The following ACAD10 variants were observed in gnomAD, a reference collection of about 807,000 sequenced individuals.
ACAD10 encodes acyl-CoA dehydrogenase family member 10, also known as ACAD-10.
In ACAD10, 112 loss-of-function variants were observed where a neutral mutation model predicts 116.8. The ratio of observed to expected loss-of-function variants is 0.96; its 90% CI spans 0.82 to 1.12. ACAD10 has a LOEUF of 1.12. Among genes scored for constraint, ACAD10 ranks in the 50% most tolerant of loss-of-function variants. The pLI is 0.00. For synonymous variants in ACAD10, 486 were observed against 510.6 expected, an observed-to-expected ratio of 0.95 and a Z score of 0.65; for missense variants, 1,259 against 1,350.2, an observed-to-expected ratio of 0.93 and a Z score of 1.06.
chr12:111,713,899 T>C (rs1056363161), intron 6 of ACAD10, among the ~76,000 whole-genome samples: 2 of 150,884 alleles, frequency 1.3e-5, no homozygotes, highest in African/African-American at 4.9e-5. Context: ...ATAGTGCCAC[T>C]GCAGGCCTGG....
chr12:111,700,988 G>A (rs1888333706), intron 2 of ACAD10, among the ~76,000 whole-genome samples: 1 of 151,844 alleles, frequency 6.6e-6, no homozygotes, highest in Admixed American at 6.6e-5. Context: ...CAGACTCCTA[G>A]CCTCAAGCGA....
chr12:111,705,728 C>G lies in ACAD10; in HGVS notation c.337-10C>G. ...GATTGCTGTTCTCCTGTGCCCTCTC[C>G]TGTTCTTAGTTAAAGACCTCCGTGC... On this transcript the variant is annotated splice_polypyrimidine_tract_variant and intron_variant, in intron 3 of 20. Transcript: ENST00000313698. 1.2e-6 allele frequency: 2 copies of G among 1,612,888 alleles called. No individual in the cohort carries two copies. The highest frequency in any genetic ancestry group is 1.7e-6 in the Non-Finnish European group (2 of 1,179,210).
intron 10 of ACAD10, among the ~76,000 whole-genome samples, chr12:111,732,842 A>G (rs572670257): frequency 2.2e-4 from 33 of 152,330 alleles, no homozygotes; most frequent in Non-Finnish European, 4.3e-4. Flanking sequence ...CTCTACAACA[A>G]ACTTTGTCAG....
intron 6 of ACAD10, 147 bp from the exon 7 acceptor site, chr12:111,715,674 T>C: frequency 9.6e-7 from 1 of 1,043,682 alleles, no homozygotes; most frequent in Non-Finnish European, 1.4e-6. Flanking sequence ...TCACTCCTAG[T>C]AGGCAGAGAA....
intron 12 of ACAD10, 75 bp from the exon 13 acceptor site, chr12:111,744,568 C>A: frequency 1.3e-6 from 2 of 1,523,958 alleles, no homozygotes; most frequent in Non-Finnish European, 8.9e-7. Flanking sequence ...GCTGAAGTGA[C>A]AGTGTCATCA....
intron 1 of ACAD10, among the ~76,000 whole-genome samples, chr12:111,686,602 G>A (rs1387586419): frequency 6.6e-6 from 1 of 152,214 alleles, no homozygotes; most frequent in Non-Finnish European, 1.5e-5. Context: ...TGTAGTCCAA[G>A]CTACTTGGGA....
chr12:111,722,019 T>C (rs1889026325), intron 8 of ACAD10: 1 of 253,128 alleles, frequency 4.0e-6, no homozygotes, highest in African/African-American at 2.2e-5. Context: ...ATTTTTTTAA[T>C]CAGAGTCTTT....
intron 8 of ACAD10, among the ~76,000 whole-genome samples, chr12:111,722,987 C>T (rs1481163836): frequency 1.2e-4 from 18 of 150,862 alleles, no homozygotes; most frequent in Admixed American, 1.1e-3. Flanking sequence ...CCTCACCTCC[C>T]GGACGGGGCG....
Position 111,755,137 on chromosome 12 carries a change from C to T in ACAD10, c.2962-531C>T, listed in dbSNP as rs569733953. The stretch of plus-strand genomic sequence containing the variant: ...TGTTTTTGAGAGACAGAGTCTCACT[C>T]GGTGGCCCAGGCTGGAGTAGAGTGG... On this transcript the variant is annotated intron_variant, in intron 19 of 20. Transcript: ENST00000313698. 8.5e-4 allele frequency among the ~76,000 whole-genome samples: 130 copies of T among 152,266 alleles called. 1 individual carries two copies. The highest frequency in any genetic ancestry group is 3.0e-3 in the African/African-American group (124 of 41,560).
chr12:111,686,483 G>A (rs1184273927), intron 1 of ACAD10: 3 of 152,592 alleles, frequency 2.0e-5, no homozygotes, highest in Admixed American at 1.3e-4. Context: ...CAGAGGCTTA[G>A]GCGGGCGAAT....
chr12:111,723,953 G>A (rs527429966), intron 8 of ACAD10, among the ~76,000 whole-genome samples: 101 of 151,592 alleles, frequency 6.7e-4, no homozygotes, highest in African/African-American at 2.2e-3. Context: ...CAGACGGGGC[G>A]GCGGGGCAGA....
chr12:111,709,919 A>G, intron 5 of ACAD10: 1 of 496,532 alleles, frequency 2.0e-6, no homozygotes. Context: ...ATGGGAAAGG[A>G]GGTGAATGGC....
chr12:111,736,445 C>T (rs1889567516), intron 11 of ACAD10, among the ~76,000 whole-genome samples: 1 of 152,178 alleles, frequency 6.6e-6, no homozygotes, highest in Admixed American at 6.5e-5. Flanking sequence ...CCTAACTCGG[C>T]CTCCCAAAGT....
intron 7 of ACAD10, among the ~76,000 whole-genome samples, chr12:111,720,142 G>T (rs1160405276): frequency 1.3e-5 from 2 of 152,188 alleles, no homozygotes; most frequent in Non-Finnish European, 2.9e-5. Flanking sequence ...GGGATTATAG[G>T]CATGAGCTAG....
At chr12:111,743,029 A>AT (rs1249589656) in intron 12 of ACAD10, among the ~76,000 whole-genome samples, 1 of 152,148 alleles carries the variant, frequency 6.6e-6, no homozygotes, top group Non-Finnish European at 1.5e-5. Flanking sequence ...ATTTAAAAAA[A>AT]GAAAATGGCT....
intron 2 of ACAD10, among the ~76,000 whole-genome samples, chr12:111,694,775 C>T (rs950484770): frequency 6.6e-6 from 1 of 152,188 alleles, no homozygotes; most frequent in Non-Finnish European, 1.5e-5. Flanking sequence ...CCTGTAATCT[C>T]AGCAATTTAG....
chr12:111,742,464 A>T (rs1244644904), intron 12 of ACAD10, among the ~76,000 whole-genome samples: 1 of 152,212 alleles, frequency 6.6e-6, no homozygotes, highest in African/African-American at 2.4e-5. Context: ...ATTGAGGTCC[A>T]GTAGGCTAAC....
chr12:111,737,045 T>A, intron 12 of ACAD10, 41 bp downstream of exon 12: 1 of 1,599,922 alleles, frequency 6.3e-7, no homozygotes, highest in Non-Finnish European at 8.5e-7. Context: ...GCGGGGTGAG[T>A]CACAGCAAGG....
intron 12 of ACAD10, among the ~76,000 whole-genome samples, chr12:111,744,194 G>C (rs1473835795): frequency 6.6e-6 from 1 of 152,188 alleles, no homozygotes; most frequent in East Asian, 1.9e-4. Context: ...GTGTCTAGAA[G>C]TTGGCTCTTC....
Sources: gnomAD v4.1 joint callset for allele counts (sites outside exome capture counted in the v4.1 genomes callset) on GRCh38, gnomAD v4.1.1 for gene constraint, MANE v1.5 for transcripts, NCBI Gene and HGNC (gene_info 2026-07-23, HGNC 2026-07-21) for gene names.